Variants in AUTS2 observed in about 807,000 individuals in gnomAD.
AUTS2 encodes the protein autism susceptibility gene 2 protein.
AUTS2 carries 17 observed loss-of-function variants against 112.4 expected under a neutral mutation model. That is an observed-to-expected ratio of 0.15 (90% CI 0.10 to 0.23). The LOEUF (loss-of-function observed/expected upper bound fraction) is 0.23. AUTS2 is among the 10% of genes least tolerant of loss of function. The pLI is 1.00. For synonymous variants in AUTS2, 751 were observed against 702.7 expected (o/e 1.07, Z -1.09); for missense variants, 1,510 against 1,701.6 (o/e 0.89, Z 1.98).
At chr7:69,921,176 G>A (rs913296635) in intron 2 of AUTS2, among the ~76,000 whole-genome samples, 5 of 152,074 alleles carry the variant, frequency 3.3e-5, no homozygotes, top group African/African-American at 7.2e-5. Flanking sequence ...ATGCCTATGT[G>A]TTTTTCCTGA....
intron 5 of AUTS2, among the ~76,000 whole-genome samples, chr7:70,518,654 G>C (rs1472294792): frequency 2.0e-5 from 3 of 151,062 alleles, no homozygotes; most frequent in Non-Finnish European, 2.9e-5. Context: ...CTGCACTCCA[G>C]CCTGGGCGAC....
At chr7:70,495,235 T>A (rs1367277428) in intron 5 of AUTS2, among the ~76,000 whole-genome samples, 2 of 102,744 alleles carry the variant, frequency 1.9e-5, no homozygotes, top group Non-Finnish European at 4.0e-5. Context: ...ACCTTTTCTT[T>A]AAAAAAAAAA....
chr7:70,790,046 G>T lies in AUTS2; in HGVS notation c.2830G>T (p.Val944Leu), dbSNP rs781437098. 7 of 1,580,542 alleles carry T rather than the reference G, an allele frequency of 4.4e-6. No homozygotes were observed. The South Asian group carries it at 6.9e-5, about 16-fold the overall frequency. The change falls in exon 19 of 19, where the codon GTG becomes TTG. Residue 944 changes from valine to leucine, a missense_variant. By Grantham distance (32) the Val-to-Leu change is conservative. This residue lies in a region of AUTS2 where 788 missense variants were observed against 797.6 expected (regional missense o/e 0.99). Transcript: ENST00000342771. The surrounding 1 kb of genome is among the most constrained non-coding windows in gnomAD (Gnocchi z 7.6). ...KQLARVPSPY[V>L]RTPVVESARP... ...GCTGGCCCGGGTGCCGTCTCCCTACGTGCGGACCCCGGTGGTGGAGAGTGC... is the reference window on the plus strand; with the variant it reads ...GCTGGCCCGGGTGCCGTCTCCCTACTTGCGGACCCCGGTGGTGGAGAGTGC...
At chr7:70,785,911 A>C (rs778593054) in intron 16 of AUTS2, 44 bp from the exon 17 acceptor site, 1 of 1,596,172 alleles carries the variant, frequency 6.3e-7, no homozygotes, top group East Asian at 2.2e-5. Context: ...TTCCTCTCCC[A>C]GCAGAGCCCC....
intron 1 of AUTS2, among the ~76,000 whole-genome samples, chr7:69,775,523 C>T (rs557186465): frequency 9.2e-5 from 14 of 152,222 alleles, no homozygotes; most frequent in African/African-American, 3.1e-4. Flanking sequence ...TGAGTCAGGT[C>T]ACCTTATGTT....
chr7:70,293,065 C>T (rs1265006437), intron 4 of AUTS2: 1 of 152,134 alleles, frequency 6.6e-6, no homozygotes, highest in African/African-American at 2.4e-5. Flanking sequence ...CTCTTGAGAC[C>T]CTTCTGAGCA....
At chr7:69,945,984 G>C (rs910807489) in intron 2 of AUTS2, among the ~76,000 whole-genome samples, 1 of 151,948 alleles carries the variant, frequency 6.6e-6, no homozygotes, top group Non-Finnish European at 1.5e-5. Context: ...TTATAGGCTC[G>C]TGCCCACCAT....
At chr7:70,280,556 A>C (rs1038633433) in intron 4 of AUTS2, among the ~76,000 whole-genome samples, 7 of 150,800 alleles carry the variant, frequency 4.6e-5, no homozygotes, top group Non-Finnish European at 7.4e-5. Flanking sequence ...TCGGCCTCGT[A>C]AAGTGCTGGG....
At chr7:69,888,204 A>G (rs1398467940) in intron 1 of AUTS2, among the ~76,000 whole-genome samples, 1 of 151,956 alleles carries the variant, frequency 6.6e-6, no homozygotes, top group Non-Finnish European at 1.5e-5. Flanking sequence ...ATTTATAAGG[A>G]AAGGAGGTTT....
intron 5 of AUTS2, among the ~76,000 whole-genome samples, chr7:70,535,476 G>A (rs371091419): frequency 1.3e-5 from 2 of 152,084 alleles, no homozygotes; most frequent in African/African-American, 2.4e-5. Context: ...GTGCAGTGGC[G>A]TGATCTCGGC....
chr7:70,228,077 C>G (rs1459131946), intron 4 of AUTS2, among the ~76,000 whole-genome samples: 1 of 150,788 alleles, frequency 6.6e-6, no homozygotes, highest in South Asian at 2.1e-4. Flanking sequence ...AGATTTTGCT[C>G]CATCTGTTTC....
At chr7:69,935,959 C>T (rs1796393451) in intron 2 of AUTS2, among the ~76,000 whole-genome samples, 2 of 152,158 alleles carry the variant, frequency 1.3e-5, no homozygotes, top group Admixed American at 1.3e-4. Context: ...ATATTTCACT[C>T]CTGAGTCCAG....
chr7:70,611,963 C>T (rs766269138), intron 5 of AUTS2, among the ~76,000 whole-genome samples: 2 of 152,168 alleles, frequency 1.3e-5, no homozygotes, highest in African/African-American at 2.4e-5. Context: ...TAGAAATGGG[C>T]TTACTTGAAG....
intron 4 of AUTS2, among the ~76,000 whole-genome samples, chr7:70,221,914 T>G (rs764257429): frequency 5.9e-5 from 9 of 152,074 alleles, no homozygotes; most frequent in Non-Finnish European, 1.2e-4. Flanking sequence ...ATAAAGAATC[T>G]ATCATTTGGG....
rs544710799 is a variant in AUTS2 at position 70,758,082 on chromosome 7, A to G, written c.743-4788A>G. Reference sequence around the variant, plus strand: ...CAGGCGTGAGCCGCTGCGCCCAGCCACACGGCTTCTTTGTACGTAAAATAA... The same window carrying G: ...CAGGCGTGAGCCGCTGCGCCCAGCCGCACGGCTTCTTTGTACGTAAAATAA... On this transcript the variant is annotated intron_variant, in intron 6 of 18. Coordinates refer to ENST00000342771, the MANE Select transcript of AUTS2 (RefSeq NM_015570.4). 1.2e-4 allele frequency among the ~76,000 whole-genome samples: 19 copies of G among 152,130 alleles called. No individual in the cohort carries two copies. In the South Asian group the frequency reaches 3.9e-3, roughly 32 times the overall value.
At chr7:70,698,515 G>A in intron 5 of AUTS2, 54 bp from the exon 6 acceptor site, 1 of 1,412,052 alleles carries the variant, frequency 7.1e-7, no homozygotes, top group Non-Finnish European at 9.9e-7. Context: ...TGTTGATGGT[G>A]ATGACAATAT....
In AUTS2 at chr7:70,774,096, G is replaced by C; in HGVS notation, c.1899G>C (p.Pro633=). 1 of 1,614,188 alleles carries C rather than the reference G, an allele frequency of 6.2e-7. No individual in the cohort carries two copies. Residue 633 remains proline, a synonymous_variant, in exon 12 of 19, where the codon CCG becomes CCC. Coordinates refer to ENST00000342771, the MANE Select transcript of AUTS2 (RefSeq NM_015570.4). ...CACACACTTTACTCCAAAAGGACCC[G>C]AGGGTACGTGCAAAGTCAGGCTTGG... is the stretch of plus-strand genomic sequence containing the variant. ...TVPHTLLQKD[P]RLTDPFRPML... is the part of the protein sequence containing the mutation.
At chr7:70,467,494 G>T (rs1797212395) in intron 5 of AUTS2, among the ~76,000 whole-genome samples, 1 of 152,194 alleles carries the variant, frequency 6.6e-6, no homozygotes, top group African/African-American at 2.4e-5. Flanking sequence ...AACTGGGAGA[G>T]AAACAGATGC....
chr7:70,340,563 G>T (rs1216014320), intron 4 of AUTS2, among the ~76,000 whole-genome samples: 2 of 152,062 alleles, frequency 1.3e-5, no homozygotes, highest in Non-Finnish European at 2.9e-5. Flanking sequence ...ATGGCAGCTA[G>T]CATCTGTGCT....
Sources: allele counts gnomAD v4.1 joint callset (sites outside exome capture counted in the v4.1 genomes callset), GRCh38; gene constraint gnomAD v4.1.1; regional missense constraint gnomAD v4.1.1; non-coding constraint Gnocchi (gnomAD v3.1); transcripts MANE v1.5; gene names NCBI Gene and HGNC (gene_info 2026-07-23, HGNC 2026-07-21).